Variants in ZFYVE28 observed in about 807,000 individuals in gnomAD.
ZFYVE28 encodes zinc finger FYVE-type containing 28, also known as lateral signaling target protein 2 homolog.
A neutral mutation model predicts 82.1 loss-of-function variants in ZFYVE28; 40 were observed. The observed-to-expected ratio is 0.49, with a 90% CI of 0.38 to 0.63. The LOEUF is 0.63. Ranked by LOEUF, ZFYVE28 falls within the 30% of genes least tolerant of loss-of-function variation. ZFYVE28 has a pLI of 0.00. For missense variants in ZFYVE28, 1,321 were observed against 1,242.1 expected (o/e 1.06, Z -0.96); for synonymous variants, 612 against 546.1 (o/e 1.12, Z -1.68).
chr4:2,350,912 G>A (rs963154195), intron 2 of ZFYVE28, among the ~76,000 whole-genome samples: 8 of 152,212 alleles, frequency 5.3e-5, no homozygotes, highest in African/African-American at 1.7e-4. Context: ...CTTAGCCTGT[G>A]CACCTCTTCA....
At chr4:2,301,013 G>A (rs1343317836) in intron 8 of ZFYVE28, among the ~76,000 whole-genome samples, 6 of 152,154 alleles carry the variant, frequency 3.9e-5, no homozygotes, top group Non-Finnish European at 7.4e-5. Context: ...GACCGGCCTC[G>A]CACAAACGTC....
chr4:2,354,685 C>G (rs1392800558), intron 1 of ZFYVE28, among the ~76,000 whole-genome samples: 3 of 152,168 alleles, frequency 2.0e-5, no homozygotes, highest in African/African-American at 7.2e-5. Context: ...TCTCGAACTC[C>G]TGACCTCAGG....
chr4:2,322,284 C>T (rs576318921), intron 6 of ZFYVE28, among the ~76,000 whole-genome samples: 16 of 152,296 alleles, frequency 1.1e-4, no homozygotes, highest in East Asian at 1.9e-4. Flanking sequence ...TGCAGGAATC[C>T]GGCTGAAGAG....
At chr4:2,275,851 C>G (rs1736381556) in intron 8 of ZFYVE28, among the ~76,000 whole-genome samples, 1 of 152,148 alleles carries the variant, frequency 6.6e-6, no homozygotes, top group Non-Finnish European at 1.5e-5. Flanking sequence ...GTCTTAGACG[C>G]GGTGCTGGGG....
At chr4:2,378,283 G>A (rs1422229054) in intron 1 of ZFYVE28, among the ~76,000 whole-genome samples, 7 of 152,204 alleles carry the variant, frequency 4.6e-5, no homozygotes, top group Non-Finnish European at 8.8e-5. Context: ...GGAAGTTGCA[G>A]GGAACTGAGA....
chr4:2,304,951 G>A lies in ZFYVE28; in HGVS notation c.1389C>T (p.Leu463=), dbSNP rs61910680. 3.0e-4 allele frequency: 483 copies of A among 1,612,700 alleles called. No homozygotes were observed. In the African/African-American group the frequency reaches 3.7e-3, roughly 13 times the overall value. The change falls in exon 8 of 13, where the codon CTC becomes CTT. Residue 463 remains leucine, a synonymous_variant. Coordinates refer to ENST00000290974, the MANE Select transcript of ZFYVE28 (RefSeq NM_020972.3). ...EKEEDLSNNN[L]EAEGTDGASL... ...TGGCCCCATCTGTGCCCTCGGCCTC[G>A]AGATTGTTGTTGCTCAAGTCCTCCT...
chr4:2,286,301 G>A (rs1307070156), intron 8 of ZFYVE28: 1 of 152,408 alleles, frequency 6.6e-6, no homozygotes, highest in Non-Finnish European at 1.5e-5. Flanking sequence ...TCAGCGGGAG[G>A]ATGCCAAAAA....
intron 6 of ZFYVE28, among the ~76,000 whole-genome samples, chr4:2,333,578 C>A (rs1020606495): frequency 6.6e-6 from 1 of 152,024 alleles, no homozygotes; most frequent in African/African-American, 2.4e-5. Flanking sequence ...ACTCCAGGCC[C>A]GACCTTTAAG....
chr4:2,302,830 C>G (rs192427789), intron 8 of ZFYVE28, among the ~76,000 whole-genome samples: 30 of 152,356 alleles, frequency 2.0e-4, no homozygotes, highest in East Asian at 7.7e-4. Context: ...CCCTTACAGA[C>G]GTTACGTCTG....
In ZFYVE28 at chr4:2,304,522, G is replaced by C. The variant is rs767714187; in HGVS notation, c.1818C>G (p.Ala606=). The change falls in exon 8 of 13, where the codon GCC becomes GCG. Residue 606 remains alanine (A), a synonymous_variant. Transcript: ENST00000290974. ...AAGLAKASDR[A]PERQEEAPPP... ...GGGGCGCCTCCTCCTGTCTCTCAGG[G>C]GCCCTGTCGCTGGCCTTGGCTAAGC... The C allele has an allele frequency of 1.9e-6, 3 of 1,612,596 alleles. No individual in the cohort carries two copies. Among genetic ancestry groups the C allele is most frequent in the Non-Finnish European group, 2.5e-6 (3 of 1,179,698 alleles).
At chr4:2,271,073 C>T in intron 12 of ZFYVE28, 2 of 755,124 alleles carry the variant, frequency 2.6e-6, no homozygotes, top group Non-Finnish European at 4.2e-6. Flanking sequence ...TTCACACTCG[C>T]TGTCCCCTCT....
intron 1 of ZFYVE28, among the ~76,000 whole-genome samples, chr4:2,378,571 G>A (rs1728402074): frequency 1.3e-5 from 2 of 152,072 alleles, no homozygotes. Context: ...GACACTTTTT[G>A]GAACTTCTCC....
In ZFYVE28 at chr4:2,416,093, T is replaced by G. The variant is rs547911746; in HGVS notation, c.39+2192A>C. Among the ~76,000 whole-genome samples the G allele has an allele frequency of 1.6e-3, 250 of 152,330 alleles. No homozygotes were observed. Among genetic ancestry groups the G allele is most frequent in the Non-Finnish European group, 3.0e-3 (206 of 68,028 alleles). On this transcript the variant is annotated intron_variant, in intron 1 of 12. Transcript: ENST00000290974. The surrounding 1 kb of genome is among the most constrained non-coding windows in gnomAD (Gnocchi z 4.6). ...CTCTGGGCTGATCCCTGGGATCAGC[T>G]GATTCACTGGCTGTGCCCTCTTGGT... is the stretch of plus-strand genomic sequence containing the variant.
At position 2,281,835 on chromosome 4, in the gene ZFYVE28, A is replaced by G. The variant is rs557356128; in HGVS notation, c.2052-7619T>C. Reference sequence around the variant, plus strand: ...GGGCCATGAGGAGGACCTCAGGGGTAGATCAGACACTATGTGTCCCCCAAA... The same window carrying G: ...GGGCCATGAGGAGGACCTCAGGGGTGGATCAGACACTATGTGTCCCCCAAA... On this transcript the variant is annotated intron_variant, in intron 8 of 12. Coordinates refer to ENST00000290974, the MANE Select transcript of ZFYVE28 (RefSeq NM_020972.3). Among the ~76,000 whole-genome samples, 104 of 152,300 alleles carry G rather than the reference A, an allele frequency of 6.8e-4. 2 individuals carry two copies. Among genetic ancestry groups the G allele is most frequent in the African/African-American group, 2.4e-3 (99 of 41,552 alleles).
intron 1 of ZFYVE28, among the ~76,000 whole-genome samples, chr4:2,365,317 C>CA (rs1268381850): frequency 2.0e-5 from 3 of 152,008 alleles, no homozygotes; most frequent in Non-Finnish European, 2.9e-5. Context: ...GCCTGTCACT[C>CA]GAGCCTGGAG....
intron 1 of ZFYVE28, among the ~76,000 whole-genome samples, chr4:2,363,388 G>A (rs1049061879): frequency 6.6e-6 from 1 of 152,144 alleles, no homozygotes; most frequent in African/African-American, 2.4e-5. Flanking sequence ...CCCAGGGACT[G>A]TAACAGCTTG....
At position 2,398,524 on chromosome 4, in the gene ZFYVE28, CA is replaced by C. The variant is rs570679284; in HGVS notation, c.39+19760del. On this transcript the variant is annotated intron_variant, in intron 1 of 12. Transcript: ENST00000290974. ...AGACCAGTACAAGAGAGGAGCACTGCAGGAAGCTCTTGAGAAGGAAAATAGG... is the reference window on the plus strand; with the variant it reads ...AGACCAGTACAAGAGAGGAGCACTGCGGAAGCTCTTGAGAAGGAAAATAGG... 9.2e-5 allele frequency among the ~76,000 whole-genome samples: 14 copies of C among 152,288 alleles called. No individual in the cohort carries two copies. The East Asian group carries it at 2.1e-3, about 23-fold the overall frequency.
intron 2 of ZFYVE28, among the ~76,000 whole-genome samples, chr4:2,344,378 G>C (rs945397810): frequency 2.6e-5 from 4 of 152,194 alleles, no homozygotes; most frequent in African/African-American, 9.7e-5. Flanking sequence ...AATTCACAAA[G>C]TATTGAGTAG....
chr4:2,309,855 C>T (rs559336135), intron 7 of ZFYVE28, among the ~76,000 whole-genome samples: 1 of 152,156 alleles, frequency 6.6e-6, no homozygotes, highest in South Asian at 2.1e-4. Context: ...AGATGCTTTT[C>T]TTGTTCTGTT....
Sources: gnomAD v4.1 joint callset for allele counts (sites outside exome capture counted in the v4.1 genomes callset) on GRCh38, gnomAD v4.1.1 for gene constraint, Gnocchi (gnomAD v3.1) non-coding constraint, MANE v1.5 for transcripts, NCBI Gene and HGNC (gene_info 2026-07-23, HGNC 2026-07-21) for gene names.